The following QRFPR variants were observed in gnomAD, a reference collection of about 807,000 sequenced individuals.
The protein encoded by QRFPR is pyroglutamylated RF-amide peptide receptor.
QRFPR carries 37 observed loss-of-function variants against 31.3 expected under a neutral mutation model. That is an observed-to-expected ratio of 1.18 (90% CI 0.91 to 1.56). QRFPR has a LOEUF of 1.56. QRFPR is among the 40% of genes most tolerant of loss of function. QRFPR has a pLI of 0.00. For missense variants in QRFPR, 542 were observed against 532.5 expected, an observed-to-expected ratio of 1.02 and a Z score of -0.18; for synonymous variants, 197 against 192.0, an observed-to-expected ratio of 1.03 and a Z score of -0.22.
chr4:121,349,639 A>G (rs1416905894), intron 1 of QRFPR, among the ~76,000 whole-genome samples: 1 of 152,166 alleles, frequency 6.6e-6, no homozygotes, highest in Non-Finnish European at 1.5e-5. Context: ...GAGATATTCT[A>G]TGTGGAAATG....
At chr4:121,340,694 G>A in intron 1 of QRFPR, 84 bp from the exon 2 acceptor site, 1 of 1,354,662 alleles carries the variant, frequency 7.4e-7, no homozygotes, top group Non-Finnish European at 1.0e-6. Flanking sequence ...ATCACTATCA[G>A]TCCATTCTGA....
chr4:121,333,183 A>T, intron 3 of QRFPR, 127 bp from the exon 4 acceptor site: 1 of 617,150 alleles, frequency 1.6e-6, no homozygotes. Context: ...CGTATTTCAA[A>T]TGAGATACAT....
chr4:121,377,689 A>G (rs1003909202), intron 1 of QRFPR, among the ~76,000 whole-genome samples: 3 of 152,296 alleles, frequency 2.0e-5, no homozygotes, highest in Middle Eastern at 3.4e-3. Flanking sequence ...CTCGTAGAGC[A>G]AAGTGGATCC....
At chr4:121,336,970 C>T in intron 2 of QRFPR, 102 bp from the exon 3 acceptor site, 1 of 1,065,742 alleles carries the variant, frequency 9.4e-7, no homozygotes. Flanking sequence ...GGCAGCTGTT[C>T]TCTGCCCTAG....
intron 1 of QRFPR, chr4:121,370,118 A>G (rs1211933743): frequency 1.3e-6 from 1 of 767,792 alleles, no homozygotes; most frequent in East Asian, 2.4e-5. Context: ...GGGAGGGTAG[A>G]CTGGCCTCTC....
intron 1 of QRFPR, chr4:121,369,997 C>G: frequency 3.9e-6 from 3 of 766,556 alleles, no homozygotes; most frequent in Non-Finnish European, 7.3e-6. Flanking sequence ...ATGCTGAAAG[C>G]TTTCCTGGGT....
chr4:121,335,022 G>C (rs1418111682), intron 3 of QRFPR, among the ~76,000 whole-genome samples: 1 of 152,128 alleles, frequency 6.6e-6, no homozygotes, highest in East Asian at 1.9e-4. Flanking sequence ...TGAGAAGGTA[G>C]CCATGGGATG....
intron 1 of QRFPR, among the ~76,000 whole-genome samples, chr4:121,357,817 C>T (rs763076747): frequency 5.9e-5 from 9 of 152,172 alleles, no homozygotes; most frequent in Non-Finnish European, 8.8e-5. Context: ...TCAAGGTCTA[C>T]GTTTCTAACA....
chr4:121,352,512 C>G (rs1462943141), intron 1 of QRFPR, among the ~76,000 whole-genome samples: 3 of 152,028 alleles, frequency 2.0e-5, no homozygotes, highest in African/African-American at 7.2e-5. Flanking sequence ...ACTACATGCT[C>G]ATTTAAAAAA....
chr4:121,330,366 T>G, intron 5 of QRFPR, 60 bp downstream of exon 5: 1 of 1,142,442 alleles, frequency 8.8e-7, no homozygotes, highest in Admixed American at 1.8e-5. Flanking sequence ...AAAGATTCAT[T>G]GTCTATTCTA....
chr4:121,373,442 C>T (rs1377795622), intron 1 of QRFPR, among the ~76,000 whole-genome samples: 1 of 152,196 alleles, frequency 6.6e-6, no homozygotes, highest in Non-Finnish European at 1.5e-5. Context: ...TATTTCCAAA[C>T]TACTGTTGCT....
chr4:121,328,704 G>A lies in QRFPR; in HGVS notation c.*610C>T, dbSNP rs944532595. Among the ~76,000 whole-genome samples the A allele has an allele frequency of 6.6e-6, 1 of 152,156 alleles. No homozygotes were observed. Among genetic ancestry groups the A allele is most frequent in the African/African-American group, 2.4e-5 (1 of 41,448 alleles). ...GCTAAGAACCCTGATTTCTGTACAA[G>A]ATTTTTAAAAATCCACTGAAATAAT... On this transcript the variant is annotated 3_prime_UTR_variant, in exon 6 of 6. Coordinates refer to ENST00000394427, the MANE Select transcript of QRFPR (RefSeq NM_198179.3).
intron 1 of QRFPR, chr4:121,369,902 G>A (rs1726199934): frequency 2.5e-6 from 2 of 785,190 alleles, no homozygotes; most frequent in Non-Finnish European, 4.7e-6. Flanking sequence ...GAGTGCTTCT[G>A]CTACTCTAAG....
intron 1 of QRFPR, among the ~76,000 whole-genome samples, chr4:121,350,694 T>C (rs1348148846): frequency 6.6e-6 from 1 of 152,210 alleles, no homozygotes; most frequent in Non-Finnish European, 1.5e-5. Flanking sequence ...GGTAGCTTGA[T>C]ACTTTTCCTA....
At chr4:121,362,944 G>T (rs1726020007) in intron 1 of QRFPR, among the ~76,000 whole-genome samples, 1 of 150,274 alleles carries the variant, frequency 6.7e-6, no homozygotes, top group South Asian at 2.1e-4. Flanking sequence ...AAAAACTTCA[G>T]GCTTTCATAG....
intron 1 of QRFPR, among the ~76,000 whole-genome samples, chr4:121,350,055 G>A (rs983715684): frequency 7.9e-5 from 12 of 152,122 alleles, no homozygotes; most frequent in African/African-American, 2.9e-4. Context: ...TTATTGTCAA[G>A]GCCTATGGAA....
At chr4:121,376,685 T>C (rs959793616) in intron 1 of QRFPR, among the ~76,000 whole-genome samples, 2 of 152,190 alleles carry the variant, frequency 1.3e-5, no homozygotes, top group African/African-American at 4.8e-5. Context: ...TTGTGCACAC[T>C]GGGCTCTGTA....
At chr4:121,335,262 A>G (rs1237328431) in intron 3 of QRFPR, among the ~76,000 whole-genome samples, 1 of 152,108 alleles carries the variant, frequency 6.6e-6, no homozygotes, top group Non-Finnish European at 1.5e-5. Context: ...AAATGGATAC[A>G]TCTGTTTGTT....
At chr4:121,331,188 T>G (rs1016920657) in intron 4 of QRFPR, among the ~76,000 whole-genome samples, 11 of 139,490 alleles carry the variant, frequency 7.9e-5, no homozygotes, top group South Asian at 2.4e-4. Flanking sequence ...TTTTTTTTTT[T>G]TTTTTTTTTT....
Sources: gnomAD v4.1 joint callset for allele counts (sites outside exome capture counted in the v4.1 genomes callset) on GRCh38, gnomAD v4.1.1 for gene constraint, MANE v1.5 for transcripts, NCBI Gene and HGNC (gene_info 2026-07-23, HGNC 2026-07-21) for gene names.